The following RPS19BP1 variants were observed in gnomAD, a reference collection of about 807,000 sequenced individuals.
RPS19BP1 encodes the protein ribosomal protein S19 binding protein 1.
RPS19BP1 carries 14 observed loss-of-function variants against 16.6 expected under a neutral mutation model. That is an observed-to-expected ratio of 0.84 (90% CI 0.56 to 1.32). The LOEUF (loss-of-function observed/expected upper bound fraction) is 1.32, where lower values mean the gene tolerates loss of function less well. RPS19BP1 is among the 40% of genes most tolerant of loss of function. RPS19BP1 has a pLI of 0.00. For missense variants in RPS19BP1, 188 were observed against 178.6 expected (o/e 1.05, Z -0.30); for synonymous variants, 90 against 77.3 (o/e 1.16, Z -0.86).
intron 2 of RPS19BP1, chr22:39,530,331 C>A: frequency 4.4e-6 from 1 of 228,690 alleles, no homozygotes; most frequent in Non-Finnish European, 8.9e-6. Context: ...TCGAAGAGAG[C>A]TGTGGATATC....
At position 39,532,494 on chromosome 22, in the gene RPS19BP1, G is replaced by C. The variant is rs747708390; in HGVS notation, c.82C>G (p.Pro28Ala). 6.2e-7 allele frequency: 1 copy of C among 1,614,182 alleles called. No individual in the cohort carries two copies. The highest frequency in any genetic ancestry group is 8.5e-7 in the Non-Finnish European group (1 of 1,180,032). ...APRDPPGQAK[P>A]RGAPVKRPRK... ...GGCCGTTTCACCGGAGCCCCTCTCG[G>C]CTTGGCCTGACCTGGAGGGTCCCGG... The change falls in exon 2 of 4, where the codon CCG becomes GCG. Residue 28 changes from proline to alanine, a missense_variant. Pro to Ala is a conservative substitution (Grantham distance 27, BLOSUM62 -1). Coordinates refer to ENST00000334678, the MANE Select transcript of RPS19BP1 (RefSeq NM_194326.4).
chr22:39,532,089 G>A, intron 2 of RPS19BP1: 2 of 346,638 alleles, frequency 5.8e-6, no homozygotes, highest in Non-Finnish European at 1.1e-5. Context: ...AGAGAAGGCT[G>A]ACTTGGCCTA....
chr22:39,532,369 C>T (rs371746544), intron 2 of RPS19BP1, 26 bp downstream of exon 2: 6 of 1,614,010 alleles, frequency 3.7e-6, no homozygotes, highest in Non-Finnish European at 5.1e-6. Context: ...CCGGAGGCAG[C>T]ACTTTCAGCC....
intron 2 of RPS19BP1, 106 bp from the exon 3 acceptor site, chr22:39,530,023 GTTA>G: frequency 2.3e-6 from 2 of 868,146 alleles, no homozygotes; most frequent in South Asian, 3.0e-5. Flanking sequence ...CCCTTCCCAG[GTTA>G]TTACAGCGGC....
intron 1 of RPS19BP1, 79 bp downstream of exon 1, chr22:39,532,607 GT>G: frequency 6.2e-7 from 1 of 1,606,514 alleles, no homozygotes; most frequent in Non-Finnish European, 8.5e-7. Flanking sequence ...GGCCTGGATT[GT>G]TTTCCATCCA....
rs776881576 is a variant in RPS19BP1, at chr22:39,532,654, C to G, written c.52+33G>C. 9.6e-6 allele frequency: 15 copies of G among 1,568,678 alleles called. No homozygotes were observed. The South Asian group carries it at 1.4e-4, about 14-fold the overall frequency. On this transcript the variant is annotated intron_variant, in intron 1 of 3. Coordinates refer to ENST00000334678, the MANE Select transcript of RPS19BP1 (RefSeq NM_194326.4). ...CCGCAGCCACTACCATCCTCCTGCC[C>G]GCGCCGGACGTCCCCTGGCCAGCCC...
At chr22:39,532,324 C>T in intron 2 of RPS19BP1, 71 bp downstream of exon 2, 1 of 1,607,880 alleles carries the variant, frequency 6.2e-7, no homozygotes, top group African/African-American at 1.3e-5. Context: ...AGCCCTGCCT[C>T]AAGCGCCACC....
Position 39,529,363 on chromosome 22 carries a change from G to A in RPS19BP1, c.*129C>T. 1 of 1,302,820 alleles carries A rather than the reference G, an allele frequency of 7.7e-7. No homozygotes were observed. The highest frequency in any genetic ancestry group is 1.1e-6 in the Non-Finnish European group (1 of 948,762). 80.7% of individuals were successfully genotyped at this position (1,302,820 alleles called of 1,614,324 possible). A position where few individuals can be genotyped will look rare whatever the true frequency, so the allele number is the denominator to read the frequency against. ...TCCAGCCTCCACTCGGCTCAGCTCC[G>A]CGGCTTCCTCGAGCCAGGCTGGTCC... On this transcript the variant is annotated 3_prime_UTR_variant, in exon 4 of 4. Coordinates refer to ENST00000334678, the MANE Select transcript of RPS19BP1 (RefSeq NM_194326.4).
chr22:39,529,451 T>G lies in RPS19BP1; in HGVS notation c.*41A>C. The G allele has an allele frequency of 6.2e-7, 1 of 1,610,958 alleles. No homozygotes were observed. Among genetic ancestry groups the G allele is most frequent in the Non-Finnish European group, 8.5e-7 (1 of 1,178,816 alleles). On this transcript the variant is annotated 3_prime_UTR_variant, in exon 4 of 4. Coordinates refer to ENST00000334678, the MANE Select transcript of RPS19BP1 (RefSeq NM_194326.4). ...CCTGGAGCCAGCAGGAGTCGGAGGCTGCAGGGCTTGAAGGCCTCTTCACCG... is the reference window on the plus strand; with the variant it reads ...CCTGGAGCCAGCAGGAGTCGGAGGCGGCAGGGCTTGAAGGCCTCTTCACCG...
intron 2 of RPS19BP1, 40 bp from the exon 3 acceptor site, chr22:39,529,957 C>T (rs775303426): frequency 4.6e-6 from 7 of 1,507,324 alleles, no homozygotes; most frequent in Non-Finnish European, 6.5e-6. Flanking sequence ...CAGATTCACT[C>T]CCCCTGGAAC....
At chr22:39,530,397 C>T in intron 2 of RPS19BP1, 1 of 220,634 alleles carries the variant, frequency 4.5e-6, no homozygotes, top group Non-Finnish European at 9.5e-6. Context: ...GGCCCTGAAG[C>T]AGAAATGTGT....
chr22:39,532,371 C>G (rs1196611448), intron 2 of RPS19BP1, 24 bp downstream of exon 2: 1 of 1,614,086 alleles, frequency 6.2e-7, no homozygotes, highest in Admixed American at 1.7e-5. Context: ...GGAGGCAGCA[C>G]TTTCAGCCCC....
rs746838362 is a variant in RPS19BP1, at chr22:39,529,500, C to T, written c.403G>A (p.Gly135Ser). ...DFQKFQQEYF[G>S]S ...CGTGCCCTCCAGGGAGCCTAGCTGCCGAAGTATTCCTGCTGGAACTTCTGG... is the reference window on the plus strand; with the variant it reads ...CGTGCCCTCCAGGGAGCCTAGCTGCTGAAGTATTCCTGCTGGAACTTCTGG... Residue 135 changes from glycine to serine, a missense_variant, in exon 4 of 4, where the codon GGC becomes AGC. By Grantham distance (56) the Gly-to-Ser change is moderately conservative. Coordinates refer to ENST00000334678, the MANE Select transcript of RPS19BP1 (RefSeq NM_194326.4). 3 of 1,614,176 alleles carry T rather than the reference C, an allele frequency of 1.9e-6. No homozygotes were observed. In the Admixed American group the frequency reaches 5.0e-5, roughly 27 times the overall value.
At chr22:39,530,038 G>A (rs1931266155) in intron 2 of RPS19BP1, 121 bp from the exon 3 acceptor site, 2 of 764,246 alleles carry the variant, frequency 2.6e-6, no homozygotes, top group Middle Eastern at 2.5e-4. Context: ...TACAGCGGCT[G>A]GGCTCTTCTC....
In RPS19BP1 at chr22:39,532,402, C is replaced by T. The variant is rs900348628; in HGVS notation, c.174G>A (p.Ser58=). 6.2e-7 allele frequency: 1 copy of T among 1,614,102 alleles called. No homozygotes were observed. Among genetic ancestry groups the T allele is most frequent in the African/African-American group, 1.3e-5 (1 of 74,952 alleles). Residue 58 remains serine, a synonymous_variant, in exon 2 of 4, where the codon TCG becomes TCA. Transcript: ENST00000334678. ...GCCCCTTCCCGAACTTACCCAGTGC[C>T]GACTTGGGCACCTTTCCCTTGGCCG... is the stretch of plus-strand genomic sequence containing the variant. ...RNSAKGKVPK[S]ALDEYRKREC... is the part of the protein sequence containing the mutation.
intron 2 of RPS19BP1, 125 bp from the exon 3 acceptor site, chr22:39,530,042 T>C (rs1931266387): frequency 1.4e-6 from 1 of 733,998 alleles, no homozygotes; most frequent in African/African-American, 1.8e-5. Context: ...GCGGCTGGGC[T>C]CTTCTCCATC....
chr22:39,530,543 G>A, intron 2 of RPS19BP1: 1 of 286,816 alleles, frequency 3.5e-6, no homozygotes, highest in Non-Finnish European at 7.1e-6. Context: ...GGCCAACATG[G>A]TGAAACCCCG....
chr22:39,532,119 T>C, intron 2 of RPS19BP1: 1 of 425,228 alleles, frequency 2.4e-6, no homozygotes, highest in South Asian at 2.5e-5. Context: ...CAGAGTACCG[T>C]AGTCTTTTAA....
intron 3 of RPS19BP1, 64 bp downstream of exon 3, chr22:39,529,756 G>C (rs918869914): frequency 1.3e-6 from 2 of 1,597,226 alleles, no homozygotes; most frequent in Non-Finnish European, 1.7e-6. Flanking sequence ...ACCGCCATGG[G>C]TCCCTAGGGG....
Sources: gnomAD v4.1 joint callset for allele counts on GRCh38, gnomAD v4.1.1 for gene constraint, MANE v1.5 for transcripts, NCBI Gene and HGNC (gene_info 2026-07-23, HGNC 2026-07-21) for gene names.